Variants in LDAH observed in about 807,000 individuals in gnomAD.
LDAH encodes lipid droplet associated hydrolase.
Under a neutral mutation model 29.6 loss-of-function variants are expected in LDAH, and 26 were observed. The observed-to-expected ratio is 0.88, with a 90% confidence interval of 0.64 to 1.22. The LOEUF (loss-of-function observed/expected upper bound fraction) is 1.22. LDAH is among the 50% of genes most tolerant of loss of function. LDAH has a pLI of 0.00. For missense variants in LDAH, 344 were observed against 387.3 expected, an observed-to-expected ratio of 0.89 and a Z score of 0.94; for synonymous variants, 117 against 133.0, an observed-to-expected ratio of 0.88 and a Z score of 0.83.
At chr2:20,810,592 T>A (rs1672400560) in intron 1 of LDAH, among the ~76,000 whole-genome samples, 1 of 152,194 alleles carries the variant, frequency 6.6e-6, no homozygotes, top group African/African-American at 2.4e-5. Context: ...ATCTGCAAAG[T>A]TAAGTTAAAC....
chr2:20,725,170 G>T (rs1665925867), intron 5 of LDAH, among the ~76,000 whole-genome samples: 1 of 152,174 alleles, frequency 6.6e-6, no homozygotes, highest in African/African-American at 2.4e-5. Context: ...AAGTACTCAT[G>T]AAAAGGTTTG....
At chr2:20,706,091 T>C (rs1419796401) in intron 5 of LDAH, among the ~76,000 whole-genome samples, 1 of 152,248 alleles carries the variant, frequency 6.6e-6, no homozygotes. Flanking sequence ...ATGGCTAATG[T>C]CTACCTTACT....
chr2:20,686,899 C>A lies in LDAH; in HGVS notation c.*4G>T. ...GGCAGTGGGGGCTTGTTCCTCAGGC[C>A]AATTTACATTTTGGACAAGTCATCC... On this transcript the variant is annotated 3_prime_UTR_variant, in exon 7 of 7. Transcript: ENST00000237822. 1 of 1,611,318 alleles carries A rather than the reference C, an allele frequency of 6.2e-7. No homozygotes were observed. Among genetic ancestry groups the A allele is most frequent in the Non-Finnish European group, 8.5e-7 (1 of 1,178,414 alleles).
chr2:20,783,219 G>A (rs987418024), intron 3 of LDAH, among the ~76,000 whole-genome samples: 4 of 152,088 alleles, frequency 2.6e-5, no homozygotes, highest in African/African-American at 9.7e-5. Context: ...GTTTCTTAAG[G>A]TATGTTTTAT....
rs1391630433 is a variant in LDAH, at chr2:20,774,925, T to G, written c.353A>C (p.His118Pro). Reference sequence around the variant, plus strand: ...ATGAGTTCTCAGGAAAGCTAGTTTGTGCTCTATTTGTCCATTTAGTCCATA... The same window carrying G: ...ATGAGTTCTCAGGAAAGCTAGTTTGGGCTCTATTTGTCCATTTAGTCCATA... ...DIYGLNGQIE[H>P]KLAFLRTHVP... The change falls in exon 4 of 7, where the codon CAC becomes CCC. Residue 118 changes from histidine (H) to proline (P), a missense_variant. Physicochemically the swap from His to Pro is moderately conservative, Grantham distance 77. Coordinates refer to ENST00000237822, the MANE Select transcript of LDAH (RefSeq NM_021925.4). The G allele has an allele frequency of 6.2e-7, 1 of 1,613,616 alleles. No homozygotes were observed. Among genetic ancestry groups the G allele is most frequent in the Non-Finnish European group, 8.5e-7 (1 of 1,179,884 alleles).
At position 20,821,778 on chromosome 2, in the gene LDAH, A is replaced by T. The variant is rs536143312; in HGVS notation, c.-3+1259T>A. Among the ~76,000 whole-genome samples, 17 of 152,076 alleles carry T rather than the reference A, an allele frequency of 1.1e-4. No individual in the cohort carries two copies. In the East Asian group the frequency reaches 2.3e-3, roughly 21 times the overall value. ...CTTAAAGTATAATTTTAAAAAAATT[A>T]AAAAAAAGAAAGAAAAAATCCTCCA... On this transcript the variant is annotated intron_variant, in intron 1 of 6. Coordinates refer to ENST00000237822, the MANE Select transcript of LDAH (RefSeq NM_021925.4).
intron 4 of LDAH, among the ~76,000 whole-genome samples, chr2:20,774,127 G>T (rs6759981): frequency 0.052 from 7,906 of 152,278 alleles, 646 homozygotes; most frequent in African/African-American, 0.17. Flanking sequence ...TCCATTCAGT[G>T]AGTTATTTCA....
intron 5 of LDAH, among the ~76,000 whole-genome samples, chr2:20,713,277 T>G (rs535312205): frequency 1.3e-5 from 2 of 152,208 alleles, no homozygotes; most frequent in Non-Finnish European, 2.9e-5. Context: ...GAATTTCATA[T>G]ACAGCCAAAC....
At chr2:20,744,834 C>T (rs1667460148) in intron 4 of LDAH, among the ~76,000 whole-genome samples, 1 of 152,074 alleles carries the variant, frequency 6.6e-6, no homozygotes, top group East Asian at 1.9e-4. Context: ...ACTGAACCTC[C>T]TATAATTCAT....
intron 6 of LDAH, among the ~76,000 whole-genome samples, chr2:20,691,509 A>G (rs759763002): frequency 6.6e-6 from 1 of 152,140 alleles, no homozygotes. Context: ...GCCTTCTCAC[A>G]GTCTATGTAG....
intron 1 of LDAH, among the ~76,000 whole-genome samples, chr2:20,810,113 A>G (rs1477576630): frequency 6.6e-6 from 1 of 152,242 alleles, no homozygotes; most frequent in African/African-American, 2.4e-5. Flanking sequence ...AAGATAGCCT[A>G]TCTCTGATCC....
intron 1 of LDAH, among the ~76,000 whole-genome samples, chr2:20,818,580 T>G (rs1293419080): frequency 6.6e-6 from 1 of 152,102 alleles, no homozygotes; most frequent in African/African-American, 2.4e-5. Context: ...CTTTTTTTTT[T>G]TGCTTCTTTT....
At chr2:20,783,381 G>T (rs1670336275) in intron 3 of LDAH, among the ~76,000 whole-genome samples, 1 of 152,110 alleles carries the variant, frequency 6.6e-6, no homozygotes, top group African/African-American at 2.4e-5. Flanking sequence ...CTGTTTGCTG[G>T]ATCTATTCAT....
intron 1 of LDAH, among the ~76,000 whole-genome samples, chr2:20,818,280 G>GT (rs1420167706): frequency 6.6e-6 from 1 of 151,978 alleles, no homozygotes; most frequent in Non-Finnish European, 1.5e-5. Flanking sequence ...AAACAAAAAG[G>GT]TTTTTAAAAA....
chr2:20,688,513 T>C (rs888517061), intron 6 of LDAH, among the ~76,000 whole-genome samples: 2 of 152,192 alleles, frequency 1.3e-5, no homozygotes, highest in Non-Finnish European at 1.5e-5. Flanking sequence ...AAAACCACTC[T>C]GGCCACAACG....
chr2:20,703,235 G>A (rs1422263922), intron 5 of LDAH, among the ~76,000 whole-genome samples: 1 of 152,212 alleles, frequency 6.6e-6, no homozygotes, highest in Non-Finnish European at 1.5e-5. Flanking sequence ...AGAAATGGTT[G>A]TAGTGCCAAA....
Position 20,697,847 on chromosome 2 carries a change from G to A in LDAH, c.786+3723C>T, listed in dbSNP as rs376372324. Reference sequence around the variant, plus strand: ...AGTATTTCTTTCAATTAGGAATACAGGCAACAAGCTACAATATTAGTAATG... The same window carrying A: ...AGTATTTCTTTCAATTAGGAATACAAGCAACAAGCTACAATATTAGTAATG... On this transcript the variant is annotated intron_variant, in intron 6 of 6. Transcript: ENST00000237822. 1.5e-3 allele frequency among the ~76,000 whole-genome samples: 228 copies of A among 152,252 alleles called. 4 individuals are homozygous for A. The South Asian group carries it at 0.043, about 29-fold the overall frequency.
chr2:20,745,443 T>C (rs1459506639), intron 4 of LDAH, among the ~76,000 whole-genome samples: 1 of 152,220 alleles, frequency 6.6e-6, no homozygotes, highest in Non-Finnish European at 1.5e-5. Context: ...TGTTGGTCAT[T>C]TGCATTTTTT....
intron 5 of LDAH, among the ~76,000 whole-genome samples, chr2:20,729,877 C>T (rs1193086311): frequency 6.6e-6 from 1 of 152,126 alleles, no homozygotes; most frequent in Non-Finnish European, 1.5e-5. Flanking sequence ...CTCGCTGTAA[C>T]CTTGAACTCC....
Sources: allele counts gnomAD v4.1 joint callset (sites outside exome capture counted in the v4.1 genomes callset), GRCh38; gene constraint gnomAD v4.1.1; transcripts MANE v1.5; gene names NCBI Gene and HGNC (gene_info 2026-07-23, HGNC 2026-07-21).